Variants in DNAH11 observed in about 807,000 individuals in gnomAD.
The protein encoded by DNAH11 is axonemal beta dynein heavy chain 11.
Under a neutral mutation model 526.0 loss-of-function variants are expected in DNAH11, and 442 were observed. That is an observed-to-expected ratio of 0.84 (90% CI 0.78 to 0.91). The LOEUF is 0.91. Ranked by LOEUF, DNAH11 falls within the 40% of genes least tolerant of loss-of-function variation. The pLI, the probability that DNAH11 is intolerant of heterozygous loss-of-function variation, is 0.00. For synonymous variants in DNAH11, 2,461 were observed against 1,935.9 expected (o/e 1.27, Z -7.12); for missense variants, 6,989 against 5,448.7 (o/e 1.28, Z -8.90).
chr7:21,757,794 G>C (rs1786705040), intron 54 of DNAH11, among the ~76,000 whole-genome samples: 1 of 152,166 alleles, frequency 6.6e-6, no homozygotes, highest in Non-Finnish European at 1.5e-5. Context: ...GCAAGCAACA[G>C]ATTAACAGAC....
intron 75 of DNAH11, 41 bp from the exon 76 acceptor site, chr7:21,884,248 ACT>A (rs1394647758): frequency 5.1e-6 from 8 of 1,553,722 alleles, no homozygotes; most frequent in Admixed American, 1.9e-5. Context: ...TCTGAGGCAG[ACT>A]CTGCACCCAG....
rs1266688427 is a variant in DNAH11, at chr7:21,866,734, G to A, written c.11690+71G>A. On this transcript the variant is annotated intron_variant, in intron 71 of 81. Transcript: ENST00000409508. ...GGAAATGTAGTCTGAAGAGTTAGGA[G>A]GATCTGGTGGAAGTGTTTACCATCC... 4.1e-6 allele frequency: 6 copies of A among 1,451,152 alleles called. No homozygotes were observed. In the African/African-American group the frequency reaches 8.5e-5, roughly 21 times the overall value. The allele number at this position is 1,451,152 out of a possible 1,614,324, so 89.9% of individuals were successfully genotyped here. A position where few individuals can be genotyped will look rare whatever the true frequency, so the allele number is the denominator to read the frequency against.
At chr7:21,647,537 C>G (rs1787414987) in intron 28 of DNAH11, among the ~76,000 whole-genome samples, 1 of 148,440 alleles carries the variant, frequency 6.7e-6, no homozygotes, top group Admixed American at 6.9e-5. Flanking sequence ...TCACGCCATT[C>G]TCCTGCCTCA....
intron 76 of DNAH11, among the ~76,000 whole-genome samples, chr7:21,891,617 T>G (rs1019434949): frequency 5.3e-5 from 8 of 152,194 alleles, no homozygotes; most frequent in Admixed American, 2.6e-4. Flanking sequence ...CACATTGCCT[T>G]TGTTCAAAAC....
chr7:21,637,322 T>C (rs1786912954), intron 26 of DNAH11, among the ~76,000 whole-genome samples: 1 of 152,114 alleles, frequency 6.6e-6, no homozygotes, highest in African/African-American at 2.4e-5. Context: ...TCCTTTTGCC[T>C]TTATTCTTTT....
At chr7:21,573,809 A>G (rs1419455229) in intron 8 of DNAH11, among the ~76,000 whole-genome samples, 2 of 152,276 alleles carry the variant, frequency 1.3e-5, no homozygotes, top group Non-Finnish European at 2.9e-5. Flanking sequence ...ACTAGTGCTT[A>G]TATAACAGGG....
chr7:21,880,956 C>G (rs1271032272), intron 75 of DNAH11, 63 bp downstream of exon 75: 3 of 1,406,792 alleles, frequency 2.1e-6, no homozygotes, highest in Non-Finnish European at 2.9e-6. Context: ...TCTTTGGGCA[C>G]TATCAAAATT....
chr7:21,543,246 A>ATGGCAGCCCAGG lies in DNAH11; in HGVS notation c.11_22dup (p.Gln4_Ala7dup), dbSNP rs1554305648. The ATGGCAGCCCAGG allele has an allele frequency of 6.5e-6, 10 of 1,532,290 alleles. No homozygotes were observed. Among genetic ancestry groups the ATGGCAGCCCAGG allele is most frequent in the African/African-American group, 2.8e-5 (2 of 72,522 alleles). 94.9% of individuals were successfully genotyped at this position (1,532,290 alleles called of 1,614,324 possible). A position where few individuals can be genotyped will look rare whatever the true frequency, so the allele number is the denominator to read the frequency against. ...TCGCGTTCCCTCGGACGGTTGCCCA[A>ATGGCAGCCCAGG]TGGCAGCCCAGGTGGCAGCCCGGGA... On this transcript the variant is annotated inframe_insertion, in exon 1 of 82. Coordinates refer to ENST00000409508, the MANE Select transcript of DNAH11 (RefSeq NM_001277115.2).
chr7:21,771,081 G>A (rs1348948352), intron 55 of DNAH11, among the ~76,000 whole-genome samples: 2 of 152,156 alleles, frequency 1.3e-5, no homozygotes, highest in African/African-American at 4.8e-5. Flanking sequence ...AATAATTTCT[G>A]AGAAAAATGT....
chr7:21,760,628 C>T (rs1479248978), intron 54 of DNAH11, among the ~76,000 whole-genome samples: 19 of 152,160 alleles, frequency 1.2e-4, no homozygotes, highest in Admixed American at 1.2e-3. Context: ...GGAGGTTTTG[C>T]TTCATATATC....
intron 69 of DNAH11, 109 bp from the exon 70 acceptor site, chr7:21,864,426 C>T (rs1032541502): frequency 9.9e-7 from 1 of 1,005,150 alleles, no homozygotes. Context: ...GAGTTCCCAG[C>T]AGGTATGGTT....
intron 11 of DNAH11, 110 bp downstream of exon 11, chr7:21,588,746 A>G (rs1172467233): frequency 3.2e-6 from 4 of 1,253,918 alleles, no homozygotes; most frequent in Non-Finnish European, 4.5e-6. Context: ...TGCCCTGTTC[A>G]CTTCTCTCAC....
At chr7:21,565,298 C>G (rs4470903) in intron 6 of DNAH11, among the ~76,000 whole-genome samples, 23,630 of 152,078 alleles carry the variant, frequency 0.16, 2,076 homozygotes, top group East Asian at 0.23. Context: ...GGATTAAGGC[C>G]CCATCTTTAC....
chr7:21,583,431 A>G (rs1421408531), intron 9 of DNAH11, among the ~76,000 whole-genome samples: 2 of 151,800 alleles, frequency 1.3e-5, no homozygotes, highest in East Asian at 1.9e-4. Flanking sequence ...TTATAGAAAA[A>G]TTAAGATGGA....
chr7:21,629,075 T>G (rs1357992433), intron 25 of DNAH11, among the ~76,000 whole-genome samples: 1 of 152,146 alleles, frequency 6.6e-6, no homozygotes, highest in Admixed American at 6.5e-5. Flanking sequence ...TGGCTTTTAC[T>G]GTATCACATA....
intron 54 of DNAH11, among the ~76,000 whole-genome samples, chr7:21,753,834 C>G (rs1209027381): frequency 6.6e-6 from 1 of 152,128 alleles, no homozygotes; most frequent in Non-Finnish European, 1.5e-5. Flanking sequence ...TTGTCAAATT[C>G]TAAACACACT....
At chr7:21,693,851 G>A (rs1162578624) in intron 35 of DNAH11, among the ~76,000 whole-genome samples, 1 of 152,180 alleles carries the variant, frequency 6.6e-6, no homozygotes, top group East Asian at 1.9e-4. Flanking sequence ...TCCAGAGGCT[G>A]TACAGGAAGC....
rs374387054 is a variant in DNAH11 at position 21,588,246 on chromosome 7, C to A, written c.1848+45C>A. On this transcript the variant is annotated intron_variant, in intron 10 of 81. Transcript: ENST00000409508. ...GGACACATTTACAATATCATTTAGG[C>A]GGATAATGACCATCAACTAGAACTC... 27 of 1,570,400 alleles carry A rather than the reference C, an allele frequency of 1.7e-5. No individual in the cohort carries two copies. In the East Asian group the frequency reaches 5.4e-4, roughly 32 times the overall value.
At chr7:21,827,637 T>C (rs549149268) in intron 65 of DNAH11, among the ~76,000 whole-genome samples, 159 of 149,866 alleles carry the variant, frequency 1.1e-3, no homozygotes, top group African/African-American at 3.8e-3. Context: ...AAATATTAAC[T>C]ATATGATTTA....
Sources: allele counts gnomAD v4.1 joint callset (sites outside exome capture counted in the v4.1 genomes callset), GRCh38; gene constraint gnomAD v4.1.1; transcripts MANE v1.5; gene names NCBI Gene and HGNC (gene_info 2026-07-23, HGNC 2026-07-21).